Variants in PAK3 observed in about 807,000 individuals in gnomAD.
The protein encoded by PAK3 is p21 (RAC1) activated kinase 3.
In PAK3, 4 loss-of-function variants were observed where a neutral mutation model predicts 41.0. That is an observed-to-expected ratio of 0.10 (90% CI 0.05 to 0.22). The LOEUF is 0.22. Among genes scored for constraint, PAK3 ranks in the 10% least tolerant of loss-of-function variants. The pLI is 1.00. For synonymous variants in PAK3, 146 were observed against 139.6 expected (o/e 1.05, Z -0.32); for missense variants, 205 against 409.9 (o/e 0.50, Z 4.32).
At chrX:111,084,118 A>G (rs1225771853) in intron 1 of PAK3, among the ~76,000 whole-genome samples, 3 of 112,999 alleles carry the variant, frequency 2.7e-5, no homozygotes, top group African/African-American at 6.4e-5. Flanking sequence ...ATAAAATTCA[A>G]CAACCCTATA....
intron 1 of PAK3, among the ~76,000 whole-genome samples, chrX:110,972,008 C>T (rs992269571): frequency 2.8e-4 from 31 of 110,929 alleles, no homozygotes; most frequent in African/African-American, 8.9e-4. Context: ...CATTTCTAGA[C>T]TCTCAATTCT....
At chrX:110,994,755 C>T (rs1274318578) in intron 1 of PAK3, among the ~76,000 whole-genome samples, 1 of 111,627 alleles carries the variant, frequency 9.0e-6, no homozygotes, top group Non-Finnish European at 1.9e-5. Flanking sequence ...TTGAACCTAG[C>T]TCTGTGATTT....
chrX:110,954,537 C>A (rs1224651271), intron 1 of PAK3, among the ~76,000 whole-genome samples: 1 of 111,507 alleles, frequency 9.0e-6, no homozygotes, highest in Admixed American at 9.5e-5. Context: ...TAAGGGCTTC[C>A]TGTGGTAATA....
At chrX:111,001,931 TAA>T (rs79071535) in intron 1 of PAK3, among the ~76,000 whole-genome samples, 1 of 100,267 alleles carries the variant, frequency 1.0e-5, no homozygotes, top group Non-Finnish European at 2.0e-5. Context: ...CAAGAGTGCT[TAA>T]AAAAAAAAAA....
In PAK3 at chrX:110,994,995, T is replaced by C. The variant is rs2091716347; in HGVS notation, c.-28+50367T>C. ...TGCTCAGCCTAAAATGGGTATTAAA[T>C]AAATTATGGCAATTACTGATTGTAT... On this transcript the variant is annotated intron_variant, in intron 1 of 14. Coordinates refer to the PAK3 transcript ENST00000425146. Among the ~76,000 whole-genome samples, 2 of 112,248 alleles carry C rather than the reference T, an allele frequency of 1.8e-5. 1 individual carries two copies. Among genetic ancestry groups the C allele is most frequent in the South Asian group, 7.4e-4 (2 of 2,698 alleles).
chrX:111,212,099 T>C (rs961032549), intron 16 of PAK3, among the ~76,000 whole-genome samples: 2 of 111,376 alleles, frequency 1.8e-5, no homozygotes, highest in African/African-American at 6.5e-5. Flanking sequence ...GCGGGGAAGA[T>C]TGCTGGGTGA....
At chrX:111,102,730 A>G (rs993447357) in intron 3 of PAK3, among the ~76,000 whole-genome samples, 3 of 112,176 alleles carry the variant, frequency 2.7e-5, no homozygotes, top group Non-Finnish European at 1.9e-5. Flanking sequence ...TATGCAGACT[A>G]TGTAAATATT....
chrX:111,196,732 G>T, intron 16 of PAK3, 92 bp downstream of exon 16: 1 of 605,637 alleles, frequency 1.7e-6, no homozygotes, highest in Non-Finnish European at 2.8e-6. Context: ...ACCAGAATGG[G>T]CTCTTTTCTG....
chrX:110,973,885 GA>G (rs2091267782), intron 1 of PAK3, among the ~76,000 whole-genome samples: 1 of 110,935 alleles, frequency 9.0e-6, no homozygotes, highest in Non-Finnish European at 1.9e-5. Context: ...CAAGCAAATG[GA>G]AAGCAAAAAA....
At chrX:110,980,915 G>T (rs760108761) in intron 1 of PAK3, among the ~76,000 whole-genome samples, 4 of 112,051 alleles carry the variant, frequency 3.6e-5, no homozygotes, top group Non-Finnish European at 7.5e-5. Context: ...TCGTTTCTTT[G>T]TGGTTAGTTT....
chrX:111,074,483 A>C (rs2092769241), intron 1 of PAK3, among the ~76,000 whole-genome samples: 1 of 111,834 alleles, frequency 8.9e-6, no homozygotes, highest in South Asian at 3.8e-4. Flanking sequence ...AAGCTTCCTC[A>C]GGCCCTCACC....
chrX:111,217,525 T>C (rs908422514), intron 17 of PAK3: 1 of 970,169 alleles, frequency 1.0e-6, no homozygotes. Context: ...GAAAAACCTG[T>C]TCCTGTTGCT....
At chrX:111,193,630 G>A (rs770147798) in intron 13 of PAK3, among the ~76,000 whole-genome samples, 7 of 110,982 alleles carry the variant, frequency 6.3e-5, no homozygotes, top group Admixed American at 4.8e-4. Flanking sequence ...GATTACAGGC[G>A]TGAGCCACTC....
chrX:111,046,575 G>T (rs955188869), intron 1 of PAK3, among the ~76,000 whole-genome samples: 4 of 111,612 alleles, frequency 3.6e-5, no homozygotes, highest in African/African-American at 1.3e-4. Flanking sequence ...GACTACAGAT[G>T]GGGTGTAGGA....
rs2094940055 is a variant in PAK3, at chrX:111,223,918, G to T, written c.*3471G>T. On this transcript the variant is annotated 3_prime_UTR_variant, in exon 18 of 18. Transcript: ENST00000372007. Reference sequence around the variant, plus strand: ...GATAATTGAAATCAGTTGTGTTAGGGTGGTGGAATTATGTGAATTTTTTTT... The same window carrying T: ...GATAATTGAAATCAGTTGTGTTAGGTTGGTGGAATTATGTGAATTTTTTTT... 8.9e-6 allele frequency: 1 copy of T among 111,759 alleles called. No individual in the cohort carries two copies. Among genetic ancestry groups the T allele is most frequent in the Non-Finnish European group, 1.9e-5 (1 of 53,183 alleles). 9.2% of individuals were successfully genotyped at this position (111,759 alleles called of 1,213,427 possible).
chrX:110,955,365 C>G (rs898945893), intron 1 of PAK3, among the ~76,000 whole-genome samples: 1 of 112,108 alleles, frequency 8.9e-6, no homozygotes, highest in Non-Finnish European at 1.9e-5. Flanking sequence ...TATAATTTCT[C>G]TAAAAATTCC....
chrX:111,149,148 C>T (rs748626230), intron 7 of PAK3, among the ~76,000 whole-genome samples: 1 of 111,580 alleles, frequency 9.0e-6, no homozygotes, highest in Non-Finnish European at 1.9e-5. Flanking sequence ...TCTTAAAGCT[C>T]CAAAATGATC....
rs537743197 is a variant in PAK3 at position 110,984,695 on chromosome X, G to A, written c.-28+40067G>A. On this transcript the variant is annotated intron_variant, in intron 1 of 14. Transcript: ENST00000425146. Reference sequence around the variant, plus strand: ...AGAAAAGACTAACATAATTTTTGTTGTCATTTTTAAAATGAGGAAGGGGTG... The same window carrying A: ...AGAAAAGACTAACATAATTTTTGTTATCATTTTTAAAATGAGGAAGGGGTG... Among the ~76,000 whole-genome samples the A allele has an allele frequency of 7.8e-3, 878 of 111,870 alleles. 2 individuals are homozygous for A. Among genetic ancestry groups the A allele is most frequent in the Non-Finnish European group, 0.013 (697 of 53,102 alleles).
intron 1 of PAK3, among the ~76,000 whole-genome samples, chrX:111,021,046 C>T (rs1410137800): frequency 9.0e-6 from 1 of 111,678 alleles, no homozygotes; most frequent in African/African-American, 3.3e-5. Flanking sequence ...TTATCCCTAT[C>T]CCCAACTAGT....
Sources: allele counts gnomAD v4.1 joint callset (sites outside exome capture counted in the v4.1 genomes callset), GRCh38; gene constraint gnomAD v4.1.1; transcripts MANE v1.5; gene names NCBI Gene and HGNC (gene_info 2026-07-23, HGNC 2026-07-21).